Variants in SIL1 observed in about 807,000 individuals in gnomAD.
The protein encoded by SIL1 is nucleotide exchange factor SIL1.
SIL1 carries 40 observed loss-of-function variants against 49.1 expected under a neutral mutation model. The observed-to-expected ratio is 0.81, with a 90% CI of 0.63 to 1.06. SIL1 has a LOEUF of 1.06. Among genes scored for constraint, SIL1 ranks in the 50% least tolerant of loss-of-function variants. The pLI is 0.00. For missense variants in SIL1, 500 were observed against 572.6 expected, an observed-to-expected ratio of 0.87 and a Z score of 1.29; for synonymous variants, 253 against 250.8, an observed-to-expected ratio of 1.01 and a Z score of -0.08.
intron 1 of SIL1, among the ~76,000 whole-genome samples, chr5:139,183,118 C>T (rs893336270): frequency 1.3e-5 from 2 of 152,182 alleles, no homozygotes; most frequent in Non-Finnish European, 2.9e-5. Flanking sequence ...AAGCTGCACA[C>T]CAGTAAGGTC....
chr5:139,111,330 T>A (rs557308991), intron 3 of SIL1, among the ~76,000 whole-genome samples: 1 of 152,336 alleles, frequency 6.6e-6, no homozygotes, highest in East Asian at 1.9e-4. Context: ...TCATCACATT[T>A]ATGAAGCCAA....
Position 138,947,483 on chromosome 5 carries a change from G to A in SIL1, c.1030-10C>T, listed in dbSNP as rs780316556. The A allele has an allele frequency of 1.3e-5, 21 of 1,611,800 alleles. No homozygotes were observed. Among genetic ancestry groups the A allele is most frequent in the East Asian group, 4.5e-5 (2 of 44,886 alleles). ...CCTCCTCGGCGAACATCTGCCATCC[G>A]CCACAGCCGCAGGCCAGGTAGGGTG... On this transcript the variant is annotated splice_polypyrimidine_tract_variant and intron_variant, in intron 9 of 9. Transcript: ENST00000394817. This position sits in a 1 kb window ranked among gnomAD's most constrained non-coding sequence, Gnocchi z 4.1.
intron 4 of SIL1, among the ~76,000 whole-genome samples, chr5:139,046,705 TG>T (rs1769173406): frequency 6.6e-6 from 1 of 152,200 alleles, no homozygotes; most frequent in African/African-American, 2.4e-5. Flanking sequence ...TGCTCCCCAA[TG>T]GATGTCTTCT....
chr5:139,161,231 G>A (rs183718382), intron 1 of SIL1, among the ~76,000 whole-genome samples: 42 of 152,250 alleles, frequency 2.8e-4, no homozygotes, highest in African/African-American at 1.0e-3. Context: ...CAACAAGAGT[G>A]AAACTCTGAC....
intron 7 of SIL1, among the ~76,000 whole-genome samples, chr5:138,953,747 T>C (rs1396803843): frequency 6.6e-6 from 1 of 152,222 alleles, no homozygotes; most frequent in African/African-American, 2.4e-5. Flanking sequence ...TAGGGCTGTC[T>C]CTGCCATCAT....
intron 3 of SIL1, among the ~76,000 whole-genome samples, chr5:139,053,240 G>C (rs951302528): frequency 1.3e-5 from 2 of 152,126 alleles, no homozygotes; most frequent in Non-Finnish European, 2.9e-5. Context: ...CTTCCTGGAT[G>C]AATGCTAAAA....
chr5:139,143,206 T>G (rs934256293), intron 1 of SIL1, among the ~76,000 whole-genome samples: 1 of 149,554 alleles, frequency 6.7e-6, no homozygotes, highest in Non-Finnish European at 1.5e-5. Context: ...TACATATATA[T>G]GTGTATATAC....
At chr5:139,113,436 C>T (rs1486677249) in intron 3 of SIL1, among the ~76,000 whole-genome samples, 1 of 151,894 alleles carries the variant, frequency 6.6e-6, no homozygotes, top group Non-Finnish European at 1.5e-5. Flanking sequence ...GGATGCTGCC[C>T]ACCCCCACCA....
chr5:139,003,761 G>C (rs1204139408), intron 7 of SIL1, among the ~76,000 whole-genome samples: 1 of 152,244 alleles, frequency 6.6e-6, no homozygotes, highest in African/African-American at 2.4e-5. Flanking sequence ...AGAACAGTAA[G>C]AGAAGCCCAT....
At chr5:139,120,688 G>A (rs555601578) in intron 3 of SIL1, among the ~76,000 whole-genome samples, 92 of 152,254 alleles carry the variant, frequency 6.0e-4, no homozygotes, top group African/African-American at 2.1e-3. Context: ...CAGCAGCACT[G>A]AGCCGAGCAG....
At chr5:139,177,078 G>A (rs1253797960) in intron 1 of SIL1, among the ~76,000 whole-genome samples, 4 of 150,992 alleles carry the variant, frequency 2.6e-5, no homozygotes, top group African/African-American at 4.9e-5. Flanking sequence ...AACTACAGGC[G>A]CCCGCCACCA....
At position 139,175,384 on chromosome 5, in the gene SIL1, C is replaced by T. The variant is rs141005482; in HGVS notation, c.-11+22885G>A. On this transcript the variant is annotated intron_variant, in intron 1 of 9. Coordinates refer to ENST00000394817, the MANE Select transcript of SIL1 (RefSeq NM_022464.5). Reference sequence around the variant, plus strand: ...AGGTGTACACCAACAAGCTTGATAACCTAGATATGGACAAATTCATAGAAC... The same window carrying T: ...AGGTGTACACCAACAAGCTTGATAATCTAGATATGGACAAATTCATAGAAC... Among the ~76,000 whole-genome samples the T allele has an allele frequency of 3.1e-3, 473 of 152,176 alleles. 7 individuals are homozygous for T. Among genetic ancestry groups the T allele is most frequent in the Admixed American group, 5.0e-3 (76 of 15,300 alleles).
intron 4 of SIL1, among the ~76,000 whole-genome samples, chr5:139,045,193 C>A (rs1199416906): frequency 6.6e-6 from 1 of 151,900 alleles, no homozygotes; most frequent in Non-Finnish European, 1.5e-5. Flanking sequence ...TCTGTCTCTA[C>A]AAAAAAATTG....
At chr5:139,177,375 G>C (rs1751907119) in intron 1 of SIL1, among the ~76,000 whole-genome samples, 1 of 151,918 alleles carries the variant, frequency 6.6e-6, no homozygotes. Flanking sequence ...GAGTAGCTGG[G>C]ATTACAGGCA....
intron 3 of SIL1, among the ~76,000 whole-genome samples, chr5:139,079,203 C>T (rs978580344): frequency 6.6e-6 from 1 of 152,190 alleles, no homozygotes; most frequent in Non-Finnish European, 1.5e-5. Context: ...GCAGCACAAG[C>T]ATGAGTGGAA....
intron 3 of SIL1, among the ~76,000 whole-genome samples, chr5:139,113,489 G>C (rs77558143): frequency 6.6e-5 from 10 of 150,962 alleles, no homozygotes; most frequent in African/African-American, 2.4e-4. Context: ...CAGACAAGCA[G>C]ATATACTCTC....
chr5:138,976,432 C>T (rs1461577694), intron 7 of SIL1, among the ~76,000 whole-genome samples: 1 of 151,776 alleles, frequency 6.6e-6, no homozygotes, highest in Non-Finnish European at 1.5e-5. Flanking sequence ...CCTGCTTCAG[C>T]CTCCCAAGTA....
chr5:139,018,368 G>T (rs1444544002), intron 7 of SIL1, among the ~76,000 whole-genome samples: 1 of 152,094 alleles, frequency 6.6e-6, no homozygotes, highest in Non-Finnish European at 1.5e-5. Context: ...AGCCAACATG[G>T]ACAGATTGCT....
At chr5:139,194,721 A>G (rs924496859) in intron 1 of SIL1, among the ~76,000 whole-genome samples, 4 of 152,292 alleles carry the variant, frequency 2.6e-5, no homozygotes, top group African/African-American at 9.6e-5. Flanking sequence ...AGGGACTAGC[A>G]TTGTAAGAGA....
Sources: allele counts gnomAD v4.1 joint callset (sites outside exome capture counted in the v4.1 genomes callset), GRCh38; gene constraint gnomAD v4.1.1; non-coding constraint Gnocchi (gnomAD v3.1); transcripts MANE v1.5; gene names NCBI Gene and HGNC (gene_info 2026-07-23, HGNC 2026-07-21).